Variants in ZDHHC19 observed in about 807,000 individuals in gnomAD.
The protein encoded by ZDHHC19 is palmitoyltransferase ZDHHC19.
A neutral mutation model predicts 33.9 loss-of-function variants in ZDHHC19; 30 were observed. That is an observed-to-expected ratio of 0.88 (90% CI 0.66 to 1.20). ZDHHC19 has a LOEUF of 1.20. ZDHHC19 is among the 50% of genes most tolerant of loss of function. ZDHHC19 has a pLI of 0.00. For synonymous variants in ZDHHC19, 178 were observed against 167.6 expected, an observed-to-expected ratio of 1.06 and a Z score of -0.48; for missense variants, 364 against 401.1, an observed-to-expected ratio of 0.91 and a Z score of 0.79.
At chr3:196,200,653 CTT>C (rs71621224) in intron 5 of ZDHHC19, among the ~76,000 whole-genome samples, 34,372 of 129,432 alleles carry the variant, frequency 0.27, 4,616 homozygotes, top group Middle Eastern at 0.34. Context: ...CACGCCTGGC[CTT>C]TTTTTTTTTT....
rs745748030 is a variant in ZDHHC19, at chr3:196,208,392, T to A, written c.577A>T (p.Ile193Phe). Residue 193 changes from isoleucine to phenylalanine, a missense_variant, in exon 4 of 8, where the codon ATC becomes TTC. Physicochemically the swap from Ile to Phe is conservative, Grantham distance 21 (BLOSUM62 0). Coordinates refer to ENST00000296326, the MANE Select transcript of ZDHHC19 (RefSeq NM_001039617.2). ...THLPFSTDKA[I>F]AIVVAVSAAG... is the part of the protein sequence containing the mutation. ...CTTCCCCACGTGGGCGGATACGCGA[T>A]GGCCTTGTCGGTGGAGAAGGGCAGG... 17 of 1,613,714 alleles carry A rather than the reference T, an allele frequency of 1.1e-5. No homozygotes were observed. In the East Asian group the frequency reaches 3.8e-4, roughly 36 times the overall value.
Position 196,207,403 on chromosome 3 carries a change from C to A in ZDHHC19, c.682G>T (p.Gly228Cys). Reference protein sequence around the residue: ...SVSSADRTYKGKCRHLQGYNP... With the variant: ...SVSSADRTYKCKCRHLQGYNP... ...CCACCCGCGGCCCCGCGTACCTTGC[C>A]CTTGTAGGTGCGGTCGGCCGAGCTC... The change falls in exon 5 of 8, where the codon GGC (glycine) becomes TGC (cysteine). Residue 228 changes from glycine (G) to cysteine (C), a missense_variant. Transcript: ENST00000296326. 6.4e-7 allele frequency: 1 copy of A among 1,560,298 alleles called. No individual in the cohort carries two copies. Among genetic ancestry groups the A allele is most frequent in the Middle Eastern group, 1.7e-4 (1 of 5,988 alleles).
At chr3:196,199,806 G>T (rs11922691) in intron 5 of ZDHHC19, among the ~76,000 whole-genome samples, 1 of 151,712 alleles carries the variant, frequency 6.6e-6, no homozygotes, top group East Asian at 1.9e-4. Context: ...TTAGCCAGGC[G>T]TGGTGGCGGG....
chr3:196,200,383 C>T (rs1577314461), intron 5 of ZDHHC19, among the ~76,000 whole-genome samples: 4 of 133,466 alleles, frequency 3.0e-5, no homozygotes, highest in East Asian at 2.3e-4. Context: ...GAGATGGAGT[C>T]TTGCTCTGTC....
chr3:196,210,251 A>AAAAG (rs1288499338), intron 2 of ZDHHC19, among the ~76,000 whole-genome samples: 1 of 128,642 alleles, frequency 7.8e-6, no homozygotes, highest in Non-Finnish European at 1.6e-5. Flanking sequence ...GAAAGAAAGA[A>AAAAG]AAAGAAAGAA....
At position 196,209,482 on chromosome 3, in the gene ZDHHC19, A is replaced by C. The variant is rs753362476; in HGVS notation, c.302T>G (p.Val101Gly). 7.4e-6 allele frequency: 12 copies of C among 1,612,790 alleles called. No homozygotes were observed. In the Admixed American group the frequency reaches 1.5e-4, roughly 20 times the overall value. ...SAEQGPLTVH[V>G]VWVNHGAFRL... ...GAAGGCCCCGTGGTTCACCCACACCACGTGCACCGTCAAGGGGCCCTGCTC... is the reference window on the plus strand; with the variant it reads ...GAAGGCCCCGTGGTTCACCCACACCCCGTGCACCGTCAAGGGGCCCTGCTC... Residue 101 changes from valine to glycine, a missense_variant, in exon 3 of 8, where the codon GTG (valine) becomes GGG (glycine). Coordinates refer to ENST00000296326, the MANE Select transcript of ZDHHC19 (RefSeq NM_001039617.2).
At position 196,210,751 on chromosome 3, in the gene ZDHHC19, C is replaced by T. The variant is rs1165714679; in HGVS notation, c.147-14G>A. On this transcript the variant is annotated splice_polypyrimidine_tract_variant and intron_variant, in intron 1 of 7. Transcript: ENST00000296326. ...AGCCACCTGCAACTGAGACCAGAGG[C>T]AGGCTCGGTCCTGAGCAGGGGCAGC... 1.2e-6 allele frequency: 2 copies of T among 1,611,994 alleles called. No individual in the cohort carries two copies. The highest frequency in any genetic ancestry group is 1.7e-6 in the Non-Finnish European group (2 of 1,179,070).
At chr3:196,210,306 G>GAAAGAAAGA (rs1723142996) in intron 2 of ZDHHC19, among the ~76,000 whole-genome samples, 1 of 135,626 alleles carries the variant, frequency 7.4e-6, no homozygotes, top group African/African-American at 2.9e-5. Context: ...AGGAAAGAGA[G>GAAAGAAAGA]AGGAAGAAAG....
rs1019241654 is a variant in ZDHHC19, at chr3:196,203,138, G to C, written c.687+4260C>G. 2.6e-5 allele frequency among the ~76,000 whole-genome samples: 4 copies of C among 151,978 alleles called. No individual in the cohort carries two copies. The highest frequency in any genetic ancestry group is 2.6e-4 in the Admixed American group (4 of 15,242). On this transcript the variant is annotated intron_variant, in intron 5 of 7. Coordinates refer to ENST00000296326, the MANE Select transcript of ZDHHC19 (RefSeq NM_001039617.2). The surrounding 1 kb of genome is among the most constrained non-coding windows in gnomAD (Gnocchi z 4.3). The stretch of plus-strand genomic sequence containing the variant: ...CAGGTGGGCATGGTGACGTGCACCT[G>C]TAATTCCAGCTACTCGGGAGGCTGA...
intron 5 of ZDHHC19, among the ~76,000 whole-genome samples, chr3:196,205,486 G>C (rs1722660643): frequency 6.6e-6 from 1 of 152,190 alleles, no homozygotes; most frequent in Non-Finnish European, 1.5e-5. Context: ...CAGGTAGGGG[G>C]AGAAATTGAC....
chr3:196,204,198 G>A (rs1722565726), intron 5 of ZDHHC19, among the ~76,000 whole-genome samples: 2 of 152,110 alleles, frequency 1.3e-5, no homozygotes, highest in Non-Finnish European at 2.9e-5. Context: ...CAAAATGGCA[G>A]GATTCAACAC....
In ZDHHC19 at chr3:196,201,125, T is replaced by G. The variant is rs546284912; in HGVS notation, c.688-2251A>C. Among the ~76,000 whole-genome samples the G allele has an allele frequency of 8.6e-5, 13 of 151,696 alleles. No homozygotes were observed. In the East Asian group the frequency reaches 2.3e-3, roughly 27 times the overall value. ...TCTCACTGTGTCGCCCAGGCTGGAG[T>G]GCAGTGGCACGATCTTGGCTCACTG... On this transcript the variant is annotated intron_variant, in intron 5 of 7. Coordinates refer to ENST00000296326, the MANE Select transcript of ZDHHC19 (RefSeq NM_001039617.2).
In ZDHHC19 at chr3:196,210,402, GGA is replaced by G. The variant is rs1423025391; in HGVS notation, c.268+212_268+213del. ...AGAGAGGAAGGAAGGAAAGAAAGAG[GGA>G]GAGAGAGAGGAAGGAAGGAAAGAAA... On this transcript the variant is annotated intron_variant, in intron 2 of 7. Transcript: ENST00000296326. Among the ~76,000 whole-genome samples, 8 of 138,948 alleles carry G rather than the reference GGA, an allele frequency of 5.8e-5. 2 individuals are homozygous for G. In the South Asian group the frequency reaches 1.8e-3, roughly 32 times the overall value. 91.2% of individuals were successfully genotyped at this position (138,948 alleles called of 152,430 possible).
chr3:196,205,677 T>C (rs1722674163), intron 5 of ZDHHC19, among the ~76,000 whole-genome samples: 1 of 152,230 alleles, frequency 6.6e-6, no homozygotes, highest in Non-Finnish European at 1.5e-5. Flanking sequence ...TTTTGTTTGT[T>C]TTGAGACAGA....
chr3:196,210,663 A>T lies in ZDHHC19; in HGVS notation c.221T>A (p.Phe74Tyr), dbSNP rs1403463609. 1.2e-6 allele frequency: 2 copies of T among 1,614,120 alleles called. No homozygotes were observed. Among genetic ancestry groups the T allele is most frequent in the Middle Eastern group, 1.6e-4 (1 of 6,062 alleles). Residue 74 changes from phenylalanine to tyrosine, a missense_variant, in exon 2 of 8, where the codon TTC (phenylalanine) becomes TAC (tyrosine). Transcript: ENST00000296326. ...ITGSLFVLTFFSLVSLNFSDP... is the reference protein window; with the variant it reads ...ITGSLFVLTFYSLVSLNFSDP... ...TGAGAAGTTGAGTGAAACAAGACTG[A>T]AGAAGGTAAGGACAAAGAGGGAGCC...
chr3:196,199,804 G>T (rs1722106518), intron 5 of ZDHHC19, among the ~76,000 whole-genome samples: 1 of 151,204 alleles, frequency 6.6e-6, no homozygotes, highest in African/African-American at 2.5e-5. Context: ...AATTAGCCAG[G>T]CGTGGTGGCG....
rs1294150605 is a variant in ZDHHC19 at position 196,198,375 on chromosome 3, T to C, written c.850A>G (p.Met284Val). 6.5e-7 allele frequency: 1 copy of C among 1,533,014 alleles called. No homozygotes were observed. The highest frequency in any genetic ancestry group is 2.3e-5 in the East Asian group (1 of 43,972). The allele number at this position is 1,533,014 out of a possible 1,614,324, so 95.0% of individuals were successfully genotyped here. Residue 284 changes from methionine (M) to valine (V), a missense_variant, in exon 7 of 8, where the codon ATG becomes GTG. Transcript: ENST00000296326. ...GGGGGGTTGAGAGCAGAGGGGGACA[T>C]TGGAGGGTGCAGATTCGGCATGGAT... ...WTSMPNLHPP[M>V]SPSALNPPAP...
chr3:196,199,005 G>A, intron 5 of ZDHHC19, 131 bp from the exon 6 acceptor site: 3 of 803,608 alleles, frequency 3.7e-6, no homozygotes, highest in Non-Finnish European at 4.1e-6. Context: ...TGGAGGCCAG[G>A]AGACTGAAGG....
At chr3:196,201,862 G>C (rs900538988) in intron 5 of ZDHHC19, among the ~76,000 whole-genome samples, 5 of 152,198 alleles carry the variant, frequency 3.3e-5, no homozygotes, top group African/African-American at 1.2e-4. Context: ...AGGGTGAGCT[G>C]CTTCTTGCTC....
Sources: allele counts gnomAD v4.1 joint callset (sites outside exome capture counted in the v4.1 genomes callset), GRCh38; gene constraint gnomAD v4.1.1; non-coding constraint Gnocchi (gnomAD v3.1); transcripts MANE v1.5; gene names NCBI Gene and HGNC (gene_info 2026-07-23, HGNC 2026-07-21).